The following C10orf67 variants were observed in gnomAD, a reference collection of about 807,000 sequenced individuals.
The protein encoded by C10orf67 is chromosome 10 open reading frame 67.
In C10orf67, 60 loss-of-function variants were observed where a neutral mutation model predicts 35.6. The ratio of observed to expected loss-of-function variants is 1.68; its 90% CI spans 1.37 to 2.09. C10orf67 has a LOEUF of 2.09. Ranked by LOEUF, C10orf67 falls within the 30% of genes most tolerant of loss-of-function variation. The pLI is 0.00. For missense variants in C10orf67, 474 were observed against 330.2 expected (o/e 1.44, Z -3.38); for synonymous variants, 167 against 115.8 (o/e 1.44, Z -2.84).
intron 2 of C10orf67, among the ~76,000 whole-genome samples, chr10:23,329,423 A>G (rs982641907): frequency 2.0e-5 from 3 of 152,178 alleles, no homozygotes; most frequent in Non-Finnish European, 2.9e-5. Flanking sequence ...AACAATAGCA[A>G]TAAAAATAAG....
chr10:23,225,551 T>A (rs1489011802), intron 13 of C10orf67, among the ~76,000 whole-genome samples: 4 of 152,068 alleles, frequency 2.6e-5, no homozygotes, highest in Non-Finnish European at 5.9e-5. Flanking sequence ...GGCTAAATGC[T>A]CCAATTAAAA....
chr10:23,248,143 C>T (rs914450985), intron 12 of C10orf67, among the ~76,000 whole-genome samples: 6 of 152,150 alleles, frequency 3.9e-5, no homozygotes, highest in African/African-American at 2.4e-5. Context: ...ATTTCTTATG[C>T]GCTTGATAAA....
chr10:23,277,025 T>A (rs1354174584), intron 8 of C10orf67, among the ~76,000 whole-genome samples: 1 of 152,044 alleles, frequency 6.6e-6, no homozygotes, highest in Non-Finnish European at 1.5e-5. Context: ...AGGCAGCAGA[T>A]CTCAACATGT....
chr10:23,259,127 A>G (rs1157932939), intron 10 of C10orf67, among the ~76,000 whole-genome samples: 1 of 152,346 alleles, frequency 6.6e-6, no homozygotes, highest in South Asian at 2.1e-4. Context: ...AATTTTTCAA[A>G]CTACAGAGCA....
At chr10:23,219,016 T>C (rs1201187938) in intron 15 of C10orf67, among the ~76,000 whole-genome samples, 1 of 152,216 alleles carries the variant, frequency 6.6e-6, no homozygotes, top group East Asian at 1.9e-4. Context: ...CAGGGGCAAC[T>C]GAACTTCACT....
chr10:23,224,726 C>T (rs545666147), intron 13 of C10orf67, among the ~76,000 whole-genome samples: 10 of 152,150 alleles, frequency 6.6e-5, no homozygotes, highest in South Asian at 4.1e-4. Flanking sequence ...AACTACGTGA[C>T]GAATGCAGAA....
intron 13 of C10orf67, among the ~76,000 whole-genome samples, chr10:23,235,012 C>CAAAAAAAAAAAAAAAAAAAAAACAAAA (rs57049730): frequency 2.6e-5 from 2 of 76,050 alleles, no homozygotes; most frequent in South Asian, 4.9e-4. Context: ...AATTCCATCT[C>CAAAAAAAAAAAAAAAAAAAAAACAAAA]AAAAAAAAAA....
intron 5 of C10orf67, among the ~76,000 whole-genome samples, chr10:23,297,230 C>CCCTTT (rs55638393): frequency 0.071 from 10,283 of 145,624 alleles, 1,079 homozygotes; most frequent in East Asian, 0.55. Flanking sequence ...CTTTCTATTT[C>CCCTTT]CCTTTCCTTT....
intron 5 of C10orf67, among the ~76,000 whole-genome samples, chr10:23,301,360 A>G (rs1844068993): frequency 6.6e-6 from 1 of 152,156 alleles, no homozygotes. Context: ...GCCCTTCCCC[A>G]GACAGCCTCA....
intron 2 of C10orf67, among the ~76,000 whole-genome samples, chr10:23,331,207 AGAGGGAAGGGAAGGGAAGGGAG>A (rs1564518903): frequency 6.0e-4 from 10 of 16,580 alleles, no homozygotes; most frequent in Admixed American, 1.4e-3. Flanking sequence ...AGGGAAGGGA[AGAGGGAAGGGAAGGGAAGGGAG>A]GAGGGAAGGG....
At chr10:23,285,571 A>G (rs1184940888) in intron 7 of C10orf67, among the ~76,000 whole-genome samples, 1 of 152,034 alleles carries the variant, frequency 6.6e-6, no homozygotes, top group Non-Finnish European at 1.5e-5. Context: ...ATAAAAAATT[A>G]TTAGTGAGAC....
chr10:23,209,322 C>G (rs556904415), intron 15 of C10orf67, among the ~76,000 whole-genome samples: 8 of 151,824 alleles, frequency 5.3e-5, no homozygotes, highest in African/African-American at 1.9e-4. Flanking sequence ...GCAGGAGAGC[C>G]TGAGAAGGGT....
intron 5 of C10orf67, among the ~76,000 whole-genome samples, chr10:23,291,509 T>C (rs947025631): frequency 6.6e-6 from 1 of 152,224 alleles, no homozygotes; most frequent in Middle Eastern, 3.2e-3. Flanking sequence ...ACAGGAATAA[T>C]GCATATCATA....
intron 13 of C10orf67, among the ~76,000 whole-genome samples, chr10:23,227,792 T>C (rs961564758): frequency 2.0e-5 from 3 of 152,032 alleles, no homozygotes; most frequent in Non-Finnish European, 2.9e-5. Flanking sequence ...TATACACCAA[T>C]AACAGACAAA....
chr10:23,339,687 G>A (rs80132128), intron 1 of C10orf67, among the ~76,000 whole-genome samples: 141 of 152,298 alleles, frequency 9.3e-4, no homozygotes, highest in African/African-American at 3.2e-3. Context: ...CCTCAGACCT[G>A]GAGGTCATAG....
rs1282077885 is a variant in C10orf67, at chr10:23,267,234, G to T, written c.996C>A (p.Asp332Glu). 3 of 715,728 alleles carry T rather than the reference G, an allele frequency of 4.2e-6. No homozygotes were observed. The highest frequency in any genetic ancestry group is 7.8e-6 in the Non-Finnish European group (3 of 384,684). The allele number at this position is 715,728 out of a possible 1,614,324, so 44.3% of individuals were successfully genotyped here. A position where few individuals can be genotyped will look rare whatever the true frequency, so the allele number is the denominator to read the frequency against. The change falls in exon 9 of 16, where the codon GAC (aspartate) becomes GAA (glutamate). Residue 332 changes from aspartate to glutamate, a missense_variant. By Grantham distance (45) the Asp-to-Glu change is conservative. Coordinates refer to ENST00000636213, the MANE Select transcript of C10orf67 (RefSeq NM_001371909.1). ...TGCCATACTTTTTTCTCATTTCCTT[G>T]TCCTCTTTCTGTTTATTAATCTGTA... ...VQDVINKQKE[D>E]KEMRKKYGSL... is the part of the protein sequence containing the mutation.
intron 13 of C10orf67, among the ~76,000 whole-genome samples, chr10:23,228,294 C>A (rs1430625539): frequency 2.6e-5 from 4 of 152,130 alleles, no homozygotes; most frequent in Admixed American, 6.5e-5. Context: ...CACACATCTA[C>A]AACCATCTGA....
At chr10:23,271,493 T>A (rs982883338) in intron 8 of C10orf67, among the ~76,000 whole-genome samples, 1 of 152,254 alleles carries the variant, frequency 6.6e-6, no homozygotes, top group South Asian at 2.1e-4. Context: ...TTCTTTTAGC[T>A]GTCAAAATAT....
Position 23,331,270 on chromosome 10 carries a change from A to C in C10orf67, c.327+1792T>G, listed in dbSNP as rs1423790649. Reference sequence around the variant, plus strand: ...AAGGGAAGAGGGAAGGGAAGGGAAGAGGGAAGGGAAGGGAAGGGAAGAGGG... The same window carrying C: ...AAGGGAAGAGGGAAGGGAAGGGAAGCGGGAAGGGAAGGGAAGGGAAGAGGG... On this transcript the variant is annotated intron_variant, in intron 2 of 15. Transcript: ENST00000636213. Among the ~76,000 whole-genome samples the C allele has an allele frequency of 4.3e-3, 12 of 2,806 alleles. 5 individuals carry two copies. The highest frequency in any genetic ancestry group is 0.029 in the East Asian group (1 of 34). 1.8% of individuals were successfully genotyped at this position (2,806 alleles called of 152,430 possible). A position where few individuals can be genotyped will look rare whatever the true frequency, so the allele number is the denominator to read the frequency against.
Sources: allele counts gnomAD v4.1 joint callset (sites outside exome capture counted in the v4.1 genomes callset), GRCh38; gene constraint gnomAD v4.1.1; transcripts MANE v1.5; gene names NCBI Gene and HGNC (gene_info 2026-07-23, HGNC 2026-07-21).